Variants in ARHGAP15 observed in about 807,000 individuals in gnomAD.
ARHGAP15 encodes Rho GTPase activating protein 15.
ARHGAP15 carries 51 observed loss-of-function variants against 63.7 expected under a neutral mutation model. That is an observed-to-expected ratio of 0.80 (90% CI 0.64 to 1.01). The LOEUF (loss-of-function observed/expected upper bound fraction) is 1.01. Ranked by LOEUF, ARHGAP15 falls within the 50% of genes least tolerant of loss-of-function variation. The probability of loss-of-function intolerance (pLI) is 0.00; values close to 1 mark genes in which losing one functional copy is unlikely to be tolerated. For synonymous variants in ARHGAP15, 191 were observed against 193.8 expected (o/e 0.99, Z 0.12); for missense variants, 560 against 564.6 (o/e 0.99, Z 0.08).
At chr2:143,157,361 A>G (rs1396490311) in intron 2 of ARHGAP15, among the ~76,000 whole-genome samples, 1 of 151,820 alleles carries the variant, frequency 6.6e-6, no homozygotes, top group East Asian at 1.9e-4. Context: ...CAAAATTAGC[A>G]TTTTTCACTT....
In ARHGAP15 at chr2:143,487,310, G is replaced by A. The variant is rs1009318905; in HGVS notation, c.704-63G>A. The A allele has an allele frequency of 4.5e-6, 7 of 1,543,408 alleles. No homozygotes were observed. In the Admixed American group the frequency reaches 1.2e-4, roughly 27 times the overall value. ...TAACTACTGTTTTCTATTCAGATTT[G>A]CATAAAGTAATAATCATAAAGGAGA... On this transcript the variant is annotated intron_variant, in intron 8 of 13. Transcript: ENST00000295095.
intron 6 of ARHGAP15, among the ~76,000 whole-genome samples, chr2:143,257,321 C>T (rs1487252063): frequency 6.6e-6 from 1 of 152,146 alleles, no homozygotes; most frequent in Admixed American, 6.5e-5. Context: ...TTTTGGTCCC[C>T]AATTAGTGAA....
intron 6 of ARHGAP15, among the ~76,000 whole-genome samples, chr2:143,400,651 C>T (rs558595617): frequency 1.3e-5 from 2 of 152,030 alleles, no homozygotes; most frequent in South Asian, 2.1e-4. Context: ...CCTTTATTTT[C>T]AGTAATTACC....
intron 6 of ARHGAP15, among the ~76,000 whole-genome samples, chr2:143,413,966 T>TGTGTGCGCGCGCACGC: frequency 1.7e-5 from 2 of 117,924 alleles, no homozygotes; most frequent in East Asian, 2.6e-4. Context: ...TGTGTGTGTG[T>TGTGTGCGCGCGCACGC]GCGCGCTCTC....
chr2:143,624,722 C>T (rs897736853), intron 12 of ARHGAP15, among the ~76,000 whole-genome samples: 3 of 152,136 alleles, frequency 2.0e-5, no homozygotes, highest in Non-Finnish European at 2.9e-5. Context: ...TCTCTTGGTT[C>T]ACTCACCCTT....
chr2:143,430,703 A>AT (rs1375317598), intron 6 of ARHGAP15, among the ~76,000 whole-genome samples: 14 of 152,174 alleles, frequency 9.2e-5, no homozygotes, highest in Admixed American at 9.2e-4. Flanking sequence ...GTGTATGTTG[A>AT]TATAACTTTT....
intron 1 of ARHGAP15, among the ~76,000 whole-genome samples, chr2:143,141,749 C>A (rs3845643): frequency 0.24 from 36,836 of 152,014 alleles, 4,608 homozygotes; most frequent in East Asian, 0.44. Context: ...TCTTCATTTG[C>A]GATCTTACCA....
At chr2:143,615,835 C>G (rs1698431662) in intron 11 of ARHGAP15, among the ~76,000 whole-genome samples, 1 of 152,090 alleles carries the variant, frequency 6.6e-6, no homozygotes, top group South Asian at 2.1e-4. Context: ...ATGAAATCAT[C>G]CATGGAATTC....
At chr2:143,673,756 G>GTATATATATATATATA (rs1362315937) in intron 12 of ARHGAP15, among the ~76,000 whole-genome samples, 83 of 30,972 alleles carry the variant, frequency 2.7e-3, no homozygotes, top group East Asian at 7.5e-3. Flanking sequence ...GTGTGTGTGT[G>GTATATATATATATATA]TGTATATATA....
In ARHGAP15 at chr2:143,543,646, A is replaced by AAT. The variant is rs745838443; in HGVS notation, c.926-12750_926-12749dup. Among the ~76,000 whole-genome samples, 13 of 151,588 alleles carry AAT rather than the reference A, an allele frequency of 8.6e-5. No individual in the cohort carries two copies. The East Asian group carries it at 1.4e-3, about 16-fold the overall frequency. On this transcript the variant is annotated intron_variant, in intron 10 of 13. Coordinates refer to ENST00000295095, the MANE Select transcript of ARHGAP15 (RefSeq NM_018460.4). ...GATCAGAAAGAAATGAGAGATATTA[A>AAT]ATATATATATATAAATATGTATGTG...
rs144650266 is a variant in ARHGAP15 at position 143,509,187 on chromosome 2, G to A, written c.827-10079G>A. Among the ~76,000 whole-genome samples, 570 of 152,272 alleles carry A rather than the reference G, an allele frequency of 3.7e-3. 4 individuals carry two copies. Among genetic ancestry groups the A allele is most frequent in the African/African-American group, 0.013 (556 of 41,552 alleles). Reference sequence around the variant, plus strand: ...TCACCAGAGACTTTAGAATCTGTTAGGTTTGATGAGATGCAAAAATATAAA... The same window carrying A: ...TCACCAGAGACTTTAGAATCTGTTAAGTTTGATGAGATGCAAAAATATAAA... On this transcript the variant is annotated intron_variant, in intron 9 of 13. Transcript: ENST00000295095.
At chr2:143,742,025 C>G (rs1685981544) in intron 13 of ARHGAP15, among the ~76,000 whole-genome samples, 4 of 152,118 alleles carry the variant, frequency 2.6e-5, no homozygotes, top group Non-Finnish European at 5.9e-5. Flanking sequence ...ATAGAGGAGA[C>G]AGTTATCAGT....
At chr2:143,474,699 G>A (rs539120173) in intron 8 of ARHGAP15, among the ~76,000 whole-genome samples, 86 of 152,252 alleles carry the variant, frequency 5.6e-4, no homozygotes, top group African/African-American at 1.9e-3. Flanking sequence ...CAATTTGGGC[G>A]TCTTTTTCTT....
rs1558779408 is a variant in ARHGAP15 at position 143,153,830 on chromosome 2, CTTCT to C, written c.-14-1645_-14-1642del. Among the ~76,000 whole-genome samples the C allele has an allele frequency of 6.8e-3, 638 of 93,140 alleles. 18 individuals carry two copies. Among genetic ancestry groups the C allele is most frequent in the East Asian group, 0.018 (50 of 2,786 alleles). The allele number at this position is 93,140 out of a possible 152,430, so 61.1% of individuals were successfully genotyped here. A position where few individuals can be genotyped will look rare whatever the true frequency, so the allele number is the denominator to read the frequency against. On this transcript the variant is annotated intron_variant, in intron 1 of 13. Transcript: ENST00000295095. The stretch of plus-strand genomic sequence containing the variant: ...TCTTCTTCTTCTTCTTCTTCTTCTT[CTTCT>C]TCTTCTTCTTCCTCCTCCTCCTCCT...
intron 13 of ARHGAP15, among the ~76,000 whole-genome samples, chr2:143,707,270 G>A (rs1176585201): frequency 6.6e-6 from 1 of 152,142 alleles, no homozygotes. Context: ...ATTTTTCAAA[G>A]GAAAAGTCCA....
intron 6 of ARHGAP15, among the ~76,000 whole-genome samples, chr2:143,399,458 G>A (rs1006600145): frequency 2.0e-5 from 3 of 151,884 alleles, no homozygotes; most frequent in Non-Finnish European, 4.4e-5. Context: ...AATGGTTTAT[G>A]TTCCATAAGA....
intron 6 of ARHGAP15, among the ~76,000 whole-genome samples, chr2:143,397,343 T>A (rs1476557632): frequency 1.4e-5 from 2 of 147,014 alleles, no homozygotes; most frequent in African/African-American, 5.2e-5. Context: ...TGTGTGTGTG[T>A]GTGTATATAT....
intron 6 of ARHGAP15, among the ~76,000 whole-genome samples, chr2:143,342,706 C>T (rs1685111892): frequency 6.6e-6 from 1 of 152,028 alleles, no homozygotes; most frequent in Non-Finnish European, 1.5e-5. Context: ...AGAAACTATG[C>T]TGGGTTCTGG....
Position 143,768,152 on chromosome 2 carries a change from T to C in ARHGAP15, c.1408T>C (p.Phe470Leu), listed in dbSNP as rs1293658857. Residue 470 changes from phenylalanine (F) to leucine (L), a missense_variant, in exon 14 of 14, where the codon TTC becomes CTC. By Grantham distance (22) the Phe-to-Leu change is conservative. Coordinates refer to ENST00000295095, the MANE Select transcript of ARHGAP15 (RefSeq NM_018460.4). ...ELMLSEYSKIFGSEED is the reference protein window; with the variant it reads ...ELMLSEYSKILGSEED ...CATGCTGAGTGAGTACAGTAAGATCTTCGGCTCAGAGGAAGACTGACAGAC... is the reference window on the plus strand; with the variant it reads ...CATGCTGAGTGAGTACAGTAAGATCCTCGGCTCAGAGGAAGACTGACAGAC... 2 of 1,613,366 alleles carry C rather than the reference T, an allele frequency of 1.2e-6. No homozygotes were observed. Among genetic ancestry groups the C allele is most frequent in the Non-Finnish European group, 1.7e-6 (2 of 1,179,584 alleles).
Sources: allele counts gnomAD v4.1 joint callset (sites outside exome capture counted in the v4.1 genomes callset), GRCh38; gene constraint gnomAD v4.1.1; transcripts MANE v1.5; gene names NCBI Gene and HGNC (gene_info 2026-07-23, HGNC 2026-07-21).